The following RNF167 variants were observed in gnomAD, a reference collection of about 807,000 sequenced individuals.
RNF167 encodes the protein ring finger protein 167.
A neutral mutation model predicts 34.8 loss-of-function variants in RNF167; 19 were observed. That is an observed-to-expected ratio of 0.55 (90% CI 0.38 to 0.80). The LOEUF is 0.80. Ranked by LOEUF, RNF167 falls within the 30% of genes least tolerant of loss-of-function variation. The pLI, the probability that RNF167 is intolerant of heterozygous loss-of-function variation, is 0.00. For missense variants in RNF167, 464 were observed against 447.0 expected (o/e 1.04, Z -0.34); for synonymous variants, 200 against 170.4 (o/e 1.17, Z -1.35).
Position 4,940,641 on chromosome 17 carries a change from G to A in RNF167, c.-269G>A, listed in dbSNP as rs1214895185. The A allele has an allele frequency of 2.6e-6, 1 of 379,978 alleles. No individual in the cohort carries two copies. The allele number at this position is 379,978 out of a possible 1,614,324, so 23.5% of individuals were successfully genotyped here. On this transcript the variant is annotated 5_prime_UTR_variant, in exon 2 of 10. The change creates a new upstream start codon in the 5' untranslated region. Transcript: ENST00000262482. ...CCTTCCCGAAGTTTTTCTGTCACCTGTGTTAGGCTCCGTCCCCTTTCCGCG... is the reference window on the plus strand; with the variant it reads ...CCTTCCCGAAGTTTTTCTGTCACCTATGTTAGGCTCCGTCCCCTTTCCGCG...
rs565348358 is a variant in RNF167 at position 4,943,417 on chromosome 17, T to A, written c.577-9T>A. On this transcript the variant is annotated splice_polypyrimidine_tract_variant and intron_variant, in intron 7 of 9. Transcript: ENST00000262482. ...CTAAGCCTTGTCCATCCACCCCCGC[T>A]TCCCCCAGATAGCTCGTTGTATCCA... 6.2e-7 allele frequency: 1 copy of A among 1,613,046 alleles called. No individual in the cohort carries two copies. Among genetic ancestry groups the A allele is most frequent in the Non-Finnish European group, 8.5e-7 (1 of 1,179,534 alleles).
At chr17:4,942,069 ATT>A (rs1374815433) in intron 3 of RNF167, among the ~76,000 whole-genome samples, 3 of 152,178 alleles carry the variant, frequency 2.0e-5, no homozygotes, top group Non-Finnish European at 4.4e-5. Flanking sequence ...GGCAAAAATA[ATT>A]GCATTAGCTT....
In RNF167 at chr17:4,942,931, T is replaced by A; in HGVS notation, c.460T>A (p.Tyr154Asn). 1 of 1,613,950 alleles carries A rather than the reference T, an allele frequency of 6.2e-7. No individual in the cohort carries two copies. Among genetic ancestry groups the A allele is most frequent in the Non-Finnish European group, 8.5e-7 (1 of 1,179,882 alleles). Residue 154 changes from tyrosine (Y) to asparagine (N), a missense_variant, in exon 6 of 10, where the codon TAC (tyrosine) becomes AAC (asparagine). Physicochemically the swap from Tyr to Asn is moderately radical, Grantham distance 143. Transcript: ENST00000262482. ...CGAGTACCTGCGTGCCCTCTTTGTC[T>A]ACGAGAAGGGGTAGGACATGTGCCT... ...SSEYLRALFV[Y>N]EKGARVLLVP...
At position 4,944,625 on chromosome 17, in the gene RNF167, C is replaced by T; in HGVS notation, c.738C>T (p.Leu246=). 1 of 1,613,944 alleles carries T rather than the reference C, an allele frequency of 6.2e-7. No homozygotes were observed. Among genetic ancestry groups the T allele is most frequent in the Non-Finnish European group, 8.5e-7 (1 of 1,179,922 alleles). ...EYEDGDKLRV[L]PCAHAYHSRC... ...AGGATGGGGACAAGCTGCGGGTACT[C>T]CCCTGTGCTCATGGTGAGGCCCTCA... Residue 246 remains leucine (L), a synonymous_variant, in exon 9 of 10, where the codon CTC becomes CTT. Coordinates refer to ENST00000262482, the MANE Select transcript of RNF167 (RefSeq NM_015528.3).
At chr17:4,942,986 C>T (rs1970979762) in intron 6 of RNF167, 45 bp downstream of exon 6, 1 of 1,567,482 alleles carries the variant, frequency 6.4e-7, no homozygotes, top group Non-Finnish European at 8.8e-7. Context: ...GCAAGCAGTT[C>T]CATGCCAACC....
intron 3 of RNF167, among the ~76,000 whole-genome samples, chr17:4,941,428 G>A (rs780936830): frequency 1.3e-5 from 2 of 152,124 alleles, no homozygotes; most frequent in Non-Finnish European, 2.9e-5. Context: ...CAGGATCAAC[G>A]GTCCTTATCA....
At chr17:4,944,427 T>C (rs1971169368) in intron 8 of RNF167, 131 bp from the exon 9 acceptor site, 1 of 1,455,856 alleles carries the variant, frequency 6.9e-7, no homozygotes, top group Non-Finnish European at 9.1e-7. Flanking sequence ...GCCCTGACCT[T>C]ATCCTGCCTA....
chr17:4,941,025 C>T (rs752525089), intron 2 of RNF167, 32 bp downstream of exon 2: 67 of 1,613,580 alleles, frequency 4.2e-5, no homozygotes, highest in Middle Eastern at 1.6e-4. Flanking sequence ...GGAAAGGGCG[C>T]TGAAAGGAAG....
rs1971254795 is a variant in RNF167, at chr17:4,944,944, T to A, written c.981T>A (p.Ala327=). 1 of 1,605,468 alleles carries A rather than the reference T, an allele frequency of 6.2e-7. No homozygotes were observed. Among genetic ancestry groups the A allele is most frequent in the Admixed American group, 1.7e-5 (1 of 58,260 alleles). Residue 327 remains alanine (A), a synonymous_variant, in exon 10 of 10, where the codon GCT becomes GCA. Transcript: ENST00000262482. Reference sequence around the variant, plus strand: ...CCTCCTTTGGTTCCTTAGCCCCAGCTCCCCTTGTTTTTCCTGGGCCTTCAA... The same window carrying A: ...CCTCCTTTGGTTCCTTAGCCCCAGCACCCCTTGTTTTTCCTGGGCCTTCAA... ...LPTSFGSLAP[A]PLVFPGPSTD...
intron 3 of RNF167, 119 bp downstream of exon 3, chr17:4,941,276 G>C: frequency 2.3e-6 from 2 of 855,262 alleles, no homozygotes; most frequent in Non-Finnish European, 3.7e-6. Flanking sequence ...GGTTTGTCCT[G>C]GGTGAAACTG....
chr17:4,941,011 A>AT lies in RNF167; in HGVS notation c.84+19dup. 6.2e-7 allele frequency: 1 copy of AT among 1,613,158 alleles called. No individual in the cohort carries two copies. The highest frequency in any genetic ancestry group is 8.5e-7 in the Non-Finnish European group (1 of 1,179,266). On this transcript the variant is annotated intron_variant, in intron 2 of 9. Coordinates refer to ENST00000262482, the MANE Select transcript of RNF167 (RefSeq NM_015528.3). ...TTCGAGCGGTGAGTCTGAGGGACGG[A>AT]TGGGGAAAGGGCGCTGAAAGGAAGG...
rs546538346 is a variant in RNF167, at chr17:4,940,805, T to C, written c.-105T>C. 563 of 1,047,736 alleles carry C rather than the reference T, an allele frequency of 5.4e-4. 1 individual carries two copies. The highest frequency in any genetic ancestry group is 9.8e-4 in the Middle Eastern group (3 of 3,056). The allele number at this position is 1,047,736 out of a possible 1,614,324, so 64.9% of individuals were successfully genotyped here. On this transcript the variant is annotated 5_prime_UTR_variant, in exon 2 of 10. Coordinates refer to ENST00000262482, the MANE Select transcript of RNF167 (RefSeq NM_015528.3). Reference sequence around the variant, plus strand: ...CTGGGAAGTGGGACCTGGGGGTGGTTGGACCCCTGGGATCCTAAAGGAGGG... The same window carrying C: ...CTGGGAAGTGGGACCTGGGGGTGGTCGGACCCCTGGGATCCTAAAGGAGGG...
intron 8 of RNF167, among the ~76,000 whole-genome samples, chr17:4,944,001 A>G (rs1263465760): frequency 1.3e-5 from 2 of 152,204 alleles, no homozygotes; most frequent in African/African-American, 2.4e-5. Context: ...CAAAAAAATA[A>G]TAATAAAAAT....
rs1597679813 is a variant in RNF167, at chr17:4,944,698, C to T, written c.752-17C>T. 1 of 1,614,178 alleles carries T rather than the reference C, an allele frequency of 6.2e-7. No individual in the cohort carries two copies. Among genetic ancestry groups the T allele is most frequent in the Non-Finnish European group, 8.5e-7 (1 of 1,180,036 alleles). ...CACCAGCAGCCACCAGGTGCTTCACCTTGTTCCTCTCTGCAGCCTACCACA... is the reference window on the plus strand; with the variant it reads ...CACCAGCAGCCACCAGGTGCTTCACTTTGTTCCTCTCTGCAGCCTACCACA... On this transcript the variant is annotated splice_polypyrimidine_tract_variant and intron_variant, in intron 9 of 9. Coordinates refer to ENST00000262482, the MANE Select transcript of RNF167 (RefSeq NM_015528.3).
chr17:4,940,859 C>A lies in RNF167; in HGVS notation c.-51C>A, dbSNP rs779123468. The stretch of plus-strand genomic sequence containing the variant: ...GGGAGGGCGCAGAACTCCGCTTCTG[C>A]TCCTTGCTACCAGGACGCGCGGCCT... On this transcript the variant is annotated 5_prime_UTR_variant, in exon 2 of 10. Transcript: ENST00000262482. The A allele has an allele frequency of 6.7e-7, 1 of 1,495,350 alleles. No individual in the cohort carries two copies. 92.6% of individuals were successfully genotyped at this position (1,495,350 alleles called of 1,614,324 possible). A position where few individuals can be genotyped will look rare whatever the true frequency, so the allele number is the denominator to read the frequency against.
In RNF167 at chr17:4,942,658, A is replaced by T; in HGVS notation, c.373A>T (p.Asn125Tyr). Residue 125 changes from asparagine to tyrosine, a missense_variant, in exon 5 of 10, where the codon AAT (asparagine) becomes TAT (tyrosine). By Grantham distance (143) the Asn-to-Tyr change is moderately radical. Coordinates refer to ENST00000262482, the MANE Select transcript of RNF167 (RefSeq NM_015528.3). ...NSNELLNMVW[N>Y]SEEIQQQIWI... ...CAATGAACTTCTGAACATGGTGTGG[A>T]ATAGTGGTAAGGCTGGGGGAATCTA... 1 of 1,614,100 alleles carries T rather than the reference A, an allele frequency of 6.2e-7. No individual in the cohort carries two copies. The highest frequency in any genetic ancestry group is 8.5e-7 in the Non-Finnish European group (1 of 1,179,994).
Position 4,945,073 on chromosome 17 carries a change from C to CAGAAGA in RNF167, c.*57_*58insAGAAGA. 2.8e-6 allele frequency: 4 copies of CAGAAGA among 1,419,984 alleles called. No homozygotes were observed. The highest frequency in any genetic ancestry group is 3.8e-6 in the Non-Finnish European group (4 of 1,053,370). 88.0% of individuals were successfully genotyped at this position (1,419,984 alleles called of 1,614,324 possible). On this transcript the variant is annotated 3_prime_UTR_variant, in exon 10 of 10. Transcript: ENST00000262482. The stretch of plus-strand genomic sequence containing the variant: ...ATTTGCACAGACCGTCGTCTTCCCT[C>CAGAAGA]CAGTCTTCTGAGGGATAGGGGACAT...
rs117872328 is a variant in RNF167 at position 4,945,002 on chromosome 17, G to C, written c.1039G>C (p.Val347Leu). Reference sequence around the variant, plus strand: ...CCCACTGTCCCCTCCCTCTTCCCCTGTTATCCTGGTCTAATAACCCCCCAC... The same window carrying C: ...CCCACTGTCCCCTCCCTCTTCCCCTCTTATCCTGGTCTAATAACCCCCCAC... The part of the protein sequence containing the change: ...DPPLSPPSSP[V>L]ILV The change falls in exon 10 of 10, where the codon GTT becomes CTT. Residue 347 changes from valine (V) to leucine (L), a missense_variant. Val to Leu is a conservative substitution (Grantham distance 32). Coordinates refer to ENST00000262482, the MANE Select transcript of RNF167 (RefSeq NM_015528.3). 9,440 of 1,548,540 alleles carry C rather than the reference G, an allele frequency of 6.1e-3. 34 individuals are homozygous for C. The highest frequency in any genetic ancestry group is 7.2e-3 in the Non-Finnish European group (8,312 of 1,148,196).
chr17:4,943,417 T>G lies in RNF167; in HGVS notation c.577-9T>G, dbSNP rs565348358. On this transcript the variant is annotated splice_polypyrimidine_tract_variant and intron_variant, in intron 7 of 9. Transcript: ENST00000262482. The stretch of plus-strand genomic sequence containing the variant: ...CTAAGCCTTGTCCATCCACCCCCGC[T>G]TCCCCCAGATAGCTCGTTGTATCCA... 2.5e-6 allele frequency: 4 copies of G among 1,613,046 alleles called. No homozygotes were observed. The East Asian group carries it at 8.9e-5, about 36-fold the overall frequency.
Sources: allele counts gnomAD v4.1 joint callset (sites outside exome capture counted in the v4.1 genomes callset), GRCh38; gene constraint gnomAD v4.1.1; transcripts MANE v1.5; gene names NCBI Gene and HGNC (gene_info 2026-07-23, HGNC 2026-07-21).